HHIPL1: variants seen among roughly 807,000 people sequenced by gnomAD.
HHIPL1 encodes the protein HHIP-like protein 1.
HHIPL1 carries 43 observed loss-of-function variants against 61.8 expected under a neutral mutation model. That is an observed-to-expected ratio of 0.70 (90% CI 0.55 to 0.90). HHIPL1 has a LOEUF of 0.90. Among genes scored for constraint, HHIPL1 ranks in the 40% least tolerant of loss-of-function variants. The pLI is 0.00. For missense variants in HHIPL1, 1,056 were observed against 1,157.7 expected, an observed-to-expected ratio of 0.91 and a Z score of 1.28; for synonymous variants, 482 against 515.8, an observed-to-expected ratio of 0.93 and a Z score of 0.89.
chr14:99,625,327 G>A, the HHIPL1 span: 2 of 152,316 alleles, frequency 1.3e-5, no homozygotes, highest in South Asian at 2.1e-4. Context: ...CAGCCAAGGG[G>A]TGGCTGGGAG....
chr14:99,645,004 G>A, upstream of HHIPL1: 1 of 414,148 alleles, frequency 2.4e-6, no homozygotes, highest in Non-Finnish European at 4.1e-6. Flanking sequence ...AAAAGAGGTC[G>A]TGCCGCATTC....
In HHIPL1 at chr14:99,656,963, G is replaced by C. The variant is rs764393661; in HGVS notation, c.903-37G>C. 5 of 1,551,452 alleles carry C rather than the reference G, an allele frequency of 3.2e-6. No homozygotes were observed. In the Admixed American group the frequency reaches 8.1e-5, roughly 25 times the overall value. On this transcript the variant is annotated intron_variant, in intron 2 of 8. Coordinates refer to ENST00000330710, the MANE Select transcript of HHIPL1 (RefSeq NM_001127258.3). ...TGTTTTGTGTGTTTGGCTCATGCGT[G>C]GAAGGCTGAGTTTTAGGGGCCCTTA... is the stretch of plus-strand genomic sequence containing the variant.
the HHIPL1 span, among the ~76,000 whole-genome samples, chr14:99,637,047 G>GAAAA: frequency 1.3e-5 from 1 of 75,246 alleles, no homozygotes; most frequent in Non-Finnish European, 3.1e-5. Flanking sequence ...AAGAAAGAAA[G>GAAAA]AAGGAAGGAA....
chr14:99,624,723 A>G, the HHIPL1 span: 1 of 151,748 alleles, frequency 6.6e-6, no homozygotes, highest in Non-Finnish European at 1.5e-5. Context: ...TCCCCGCACC[A>G]CTCCCAGCAA....
chr14:99,621,958 G>A, the HHIPL1 span, among the ~76,000 whole-genome samples: 8 of 152,030 alleles, frequency 5.3e-5, no homozygotes, highest in East Asian at 3.9e-4. Context: ...CTCGTGATCC[G>A]CCCACCTTGG....
At position 99,668,559 on chromosome 14, in the gene HHIPL1, C is replaced by T. The variant is rs554269901; in HGVS notation, c.1730+256C>T. Among the ~76,000 whole-genome samples the T allele has an allele frequency of 2.6e-4, 40 of 152,242 alleles. No homozygotes were observed. The highest frequency in any genetic ancestry group is 8.7e-4 in the African/African-American group (36 of 41,546). ...GAGGGAGCTGGAGAGGTGACTGGGG[C>T]CGCGGGCCGAGGCTTCACTTGGCTT... is the stretch of plus-strand genomic sequence containing the variant. On this transcript the variant is annotated intron_variant, in intron 7 of 8. Transcript: ENST00000330710. This position sits in a 1 kb window ranked among gnomAD's most constrained non-coding sequence, Gnocchi z 4.7.
the HHIPL1 span, among the ~76,000 whole-genome samples, chr14:99,606,452 C>T: frequency 6.6e-6 from 1 of 152,194 alleles, no homozygotes; most frequent in Non-Finnish European, 1.5e-5. Flanking sequence ...GAAGCGTAAA[C>T]GTTGGATACA....
At chr14:99,656,815 G>T (rs1308987441) in intron 2 of HHIPL1, among the ~76,000 whole-genome samples, 185 bp from the exon 3 acceptor site, 10 of 2,718 alleles carry the variant, frequency 3.7e-3, no homozygotes, top group Non-Finnish European at 0.03. Flanking sequence ...AAGAAAGAAA[G>T]AAAGAAAGAA....
In HHIPL1 at chr14:99,677,299, C is replaced by T. The variant is rs894037725; in HGVS notation, c.*1673C>T. 3 of 152,244 alleles carry T rather than the reference C, an allele frequency of 2.0e-5. No homozygotes were observed. Among genetic ancestry groups the T allele is most frequent in the African/African-American group, 7.2e-5 (3 of 41,446 alleles). 9.4% of individuals were successfully genotyped at this position (152,244 alleles called of 1,614,324 possible). A position where few individuals can be genotyped will look rare whatever the true frequency, so the allele number is the denominator to read the frequency against. On this transcript the variant is annotated 3_prime_UTR_variant, in exon 9 of 9. Coordinates refer to ENST00000330710, the MANE Select transcript of HHIPL1 (RefSeq NM_001127258.3). This position sits in a 1 kb window ranked among gnomAD's most constrained non-coding sequence, Gnocchi z 4.3. ...CCCGCACCCTAACCACTGCCCTCCC[C>T]AGCTACACTATGCCTGCAGAGAGCG...
chr14:99,611,363 G>A, the HHIPL1 span, among the ~76,000 whole-genome samples: 4 of 149,836 alleles, frequency 2.7e-5, no homozygotes, highest in African/African-American at 9.9e-5. Context: ...GCACTATCTC[G>A]GCTCACTGCA....
chr14:99,658,286 T>G lies in HHIPL1; in HGVS notation c.1047-1142T>G, dbSNP rs533403357. ...TTTTGCTGCTACAAGTTGTGCCCAC[T>G]TAGATATCGAATCCTGGCATGTGAC... On this transcript the variant is annotated intron_variant, in intron 3 of 8. Transcript: ENST00000330710. Among the ~76,000 whole-genome samples, 14 of 152,326 alleles carry G rather than the reference T, an allele frequency of 9.2e-5. No individual in the cohort carries two copies. The East Asian group carries it at 2.5e-3, about 27-fold the overall frequency.
chr14:99,604,871 G>T, the HHIPL1 span, among the ~76,000 whole-genome samples: 9 of 152,110 alleles, frequency 5.9e-5, no homozygotes, highest in Non-Finnish European at 1.0e-4. Flanking sequence ...CAGCAGGGCG[G>T]CTCTTTGTCC....
the HHIPL1 span, among the ~76,000 whole-genome samples, chr14:99,605,368 C>T: frequency 3.6e-5 from 1 of 27,516 alleles, no homozygotes; most frequent in African/African-American, 6.3e-5. Flanking sequence ...CTACCGCCAG[C>T]AGGCGGGGCG....
intron 1 of HHIPL1, among the ~76,000 whole-genome samples, chr14:99,651,781 T>C (rs1168167632): frequency 6.6e-6 from 1 of 152,072 alleles, no homozygotes; most frequent in African/African-American, 2.4e-5. Context: ...GTTTTACTGT[T>C]TTTCAACAGA....
In HHIPL1 at chr14:99,675,449, C is replaced by G. The variant is rs1431402413; in HGVS notation, c.2172C>G (p.Ala724=). The G allele has an allele frequency of 6.5e-7, 1 of 1,538,808 alleles. No individual in the cohort carries two copies. Among genetic ancestry groups the G allele is most frequent in the Non-Finnish European group, 8.7e-7 (1 of 1,145,882 alleles). The change falls in exon 9 of 9, where the codon GCC becomes GCG. Residue 724 remains alanine (A), a synonymous_variant. Coordinates refer to ENST00000330710, the MANE Select transcript of HHIPL1 (RefSeq NM_001127258.3). This position sits in a 1 kb window ranked among gnomAD's most constrained non-coding sequence, Gnocchi z 5.4. ...RQLGFAYAVR[A]VKRAEFGQGG... is the part of the protein sequence containing the mutation. ...TGGGGTTTGCCTACGCCGTGCGCGC[C>G]GTCAAGAGAGCCGAGTTCGGCCAGG...
In HHIPL1 at chr14:99,675,738, G is replaced by C; in HGVS notation, c.*112G>C. 9.1e-7 allele frequency: 1 copy of C among 1,104,762 alleles called. No individual in the cohort carries two copies. Among genetic ancestry groups the C allele is most frequent in the Non-Finnish European group, 1.2e-6 (1 of 801,472 alleles). 68.4% of individuals were successfully genotyped at this position (1,104,762 alleles called of 1,614,324 possible). On this transcript the variant is annotated 3_prime_UTR_variant, in exon 9 of 9. Transcript: ENST00000330710. The surrounding 1 kb of genome is among the most constrained non-coding windows in gnomAD (Gnocchi z 5.4). ...CGTGTTCTAGAGTGAAGGGGGTGCG[G>C]GTGTGTGCTGTCCTGGGGACATGTG...
At chr14:99,642,586 C>T (rs1453675785), upstream of HHIPL1, among the ~76,000 whole-genome samples, 2 of 151,312 alleles carry the variant, frequency 1.3e-5, no homozygotes, top group African/African-American at 4.9e-5. Flanking sequence ...AGTGCAGTGG[C>T]GCAATCTTAG....
rs79246545 is a variant in HHIPL1, at chr14:99,667,425, G to T, written c.1649-797G>T. ...GGGAGGGAGGATTGGAGTGGGAGGAGCAGGGAGAACCCACGTTCCCTGAGA... is the reference window on the plus strand; with the variant it reads ...GGGAGGGAGGATTGGAGTGGGAGGATCAGGGAGAACCCACGTTCCCTGAGA... On this transcript the variant is annotated intron_variant, in intron 6 of 8. Transcript: ENST00000330710. Among the ~76,000 whole-genome samples, 1,065 of 152,196 alleles carry T rather than the reference G, an allele frequency of 7.0e-3. 8 individuals carry two copies. Among genetic ancestry groups the T allele is most frequent in the African/African-American group, 0.024 (999 of 41,512 alleles).
At chr14:99,610,110 C>A in the HHIPL1 span, among the ~76,000 whole-genome samples, 1 of 152,198 alleles carries the variant, frequency 6.6e-6, no homozygotes, top group African/African-American at 2.4e-5. Context: ...GGAAATTCTC[C>A]GCCTGCCCCT....
Sources: gnomAD v4.1 joint callset for allele counts (sites outside exome capture counted in the v4.1 genomes callset) on GRCh38, gnomAD v4.1.1 for gene constraint, Gnocchi (gnomAD v3.1) non-coding constraint, MANE v1.5 for transcripts, NCBI Gene and HGNC (gene_info 2026-07-23, HGNC 2026-07-21) for gene names.